ADAMTSL4: variants seen among roughly 807,000 people sequenced by gnomAD.
ADAMTSL4 encodes ADAMTS like 4, also known as ADAMTS-like protein 4.
A neutral mutation model predicts 122.8 loss-of-function variants in ADAMTSL4; 97 were observed. That is an observed-to-expected ratio of 0.79 (90% confidence interval 0.67 to 0.93). The LOEUF is 0.93. Among genes scored for constraint, ADAMTSL4 ranks in the 40% least tolerant of loss-of-function variants. ADAMTSL4 has a pLI of 0.00. For missense variants in ADAMTSL4, 1,408 were observed against 1,453.5 expected, an observed-to-expected ratio of 0.97 and a Z score of 0.51; for synonymous variants, 592 against 568.0, an observed-to-expected ratio of 1.04 and a Z score of -0.60.
intron 2 of ADAMTSL4, chr1:150,551,259 T>C (rs1570914936): frequency 2.9e-6 from 1 of 348,836 alleles, no homozygotes; most frequent in African/African-American, 2.1e-5. Flanking sequence ...AAACAAGCCC[T>C]CACTGAACCA....
chr1:150,555,214 T>G (rs1671900300), intron 7 of ADAMTSL4, among the ~76,000 whole-genome samples: 1 of 152,092 alleles, frequency 6.6e-6, no homozygotes. Flanking sequence ...GGTCTTGAAC[T>G]CCTGACCGAA....
At chr1:150,555,679 AC>A in intron 8 of ADAMTSL4, 114 bp downstream of exon 8, 1 of 1,448,490 alleles carries the variant, frequency 6.9e-7, no homozygotes. Context: ...ACATGCAAGC[AC>A]ATACACACAC....
At chr1:150,560,008 A>G in intron 18 of ADAMTSL4, 52 bp from the exon 19 acceptor site, 2 of 1,614,016 alleles carry the variant, frequency 1.2e-6, no homozygotes, top group Non-Finnish European at 1.7e-6. Flanking sequence ...CCATTCCCAG[A>G]CGGGTGGGTC....
At chr1:150,558,785 A>G (rs1672486453) in intron 15 of ADAMTSL4, 136 bp downstream of exon 15, 3 of 1,554,302 alleles carry the variant, frequency 1.9e-6, no homozygotes, top group South Asian at 2.3e-5. Context: ...ACTCAGAGAT[A>G]AGTGAGAACA....
chr1:150,557,057 C>T lies in ADAMTSL4; in HGVS notation c.1861+7C>T. 6.2e-7 allele frequency: 1 copy of T among 1,612,676 alleles called. No individual in the cohort carries two copies. The highest frequency in any genetic ancestry group is 1.1e-5 in the South Asian group (1 of 91,042). On this transcript the variant is annotated splice_region_variant and intron_variant, in intron 11 of 18. Transcript: ENST00000271643. The stretch of plus-strand genomic sequence containing the variant: ...GTCCCCCAGCTTCAGCCGGGTAAGA[C>T]TCTGACCCCTGCACTTGGAAGGAGG...
At chr1:150,550,413 C>T in intron 2 of ADAMTSL4, 1 of 431,540 alleles carries the variant, frequency 2.3e-6, no homozygotes. Context: ...CTCACGTCAC[C>T]CCCACCCCTC....
Position 150,552,231 on chromosome 1 carries a change from G to A in ADAMTSL4, c.-58G>A, listed in dbSNP as rs587635145. The A allele has an allele frequency of 9.1e-5, 139 of 1,534,242 alleles. No homozygotes were observed. The African/African-American group carries it at 1.8e-3, about 20-fold the overall frequency. On this transcript the variant is annotated 5_prime_UTR_variant, in exon 3 of 19. Transcript: ENST00000271643. The surrounding 1 kb of genome is among the most constrained non-coding windows in gnomAD (Gnocchi z 4.0). Reference sequence around the variant, plus strand: ...GAGCACCCTCCACGCCCAGATGCCTGCGTAGTTTTTGTGACCAGTCCGCTC... The same window carrying A: ...GAGCACCCTCCACGCCCAGATGCCTACGTAGTTTTTGTGACCAGTCCGCTC...
chr1:150,555,378 C>G lies in ADAMTSL4; in HGVS notation c.1235-51C>G, dbSNP rs761255647. On this transcript the variant is annotated intron_variant, in intron 7 of 18. Transcript: ENST00000271643. ...GTGCCCCCTCTGGGGCCTCTCTCAG[C>G]TAACCTCCCACCAGGGAGCCCACTA... 6.8e-6 allele frequency: 11 copies of G among 1,610,914 alleles called. No individual in the cohort carries two copies. The South Asian group carries it at 9.9e-5, about 14-fold the overall frequency.
Position 150,557,521 on chromosome 1 carries a change from T to G in ADAMTSL4, c.2075T>G (p.Ile692Ser). The G allele has an allele frequency of 6.2e-7, 1 of 1,612,676 alleles. No individual in the cohort carries two copies. The highest frequency in any genetic ancestry group is 8.5e-7 in the Non-Finnish European group (1 of 1,179,786). Residue 692 changes from isoleucine (I) to serine (S), a missense_variant, in exon 13 of 19, where the codon ATC (isoleucine) becomes AGC (serine). By Grantham distance (142) the Ile-to-Ser change is moderately radical. Transcript: ENST00000271643. ...KGVWRPIFLC[I>S]SRESGEELDE... ...GTCTGGCGCCCCATTTTCCTCTGCA[T>G]CTCCCGTGAGTCGGGAGAGGAACTG...
chr1:150,559,422 G>C lies in ADAMTSL4; in HGVS notation c.2899G>C (p.Gly967Arg). Reference sequence around the variant, plus strand: ...GCCCCCTGCCCTGCAGCCCTGTCAAGGGCAGGCCTGCCAGGACCGATGGTT... The same window carrying C: ...GCCCCCTGCCCTGCAGCCCTGTCAACGGCAGGCCTGCCAGGACCGATGGTT... ...PRPPALQPCQ[G>R]QACQDRWFST... The change falls in exon 17 of 19, where the codon GGG (glycine) becomes CGG (arginine). Residue 967 changes from glycine to arginine, a missense_variant. Gly to Arg is a moderately radical substitution (Grantham distance 125). Transcript: ENST00000271643. This position sits in a 1 kb window ranked among gnomAD's most constrained non-coding sequence, Gnocchi z 4.1. 2.5e-6 allele frequency: 4 copies of C among 1,613,278 alleles called. No homozygotes were observed. The highest frequency in any genetic ancestry group is 8.5e-7 in the Non-Finnish European group (1 of 1,179,962).
intron 7 of ADAMTSL4, 21 bp from the exon 8 acceptor site, chr1:150,555,408 C>A (rs762928526): frequency 6.2e-7 from 1 of 1,613,790 alleles, no homozygotes; most frequent in Non-Finnish European, 8.5e-7. Flanking sequence ...CCACTAACCA[C>A]CCTTCTACCC....
rs1434771290 is a variant in ADAMTSL4 at position 150,557,486 on chromosome 1, C to T, written c.2048-8C>T. On this transcript the variant is annotated splice_region_variant and splice_polypyrimidine_tract_variant and intron_variant, in intron 12 of 18. Coordinates refer to ENST00000271643, the MANE Select transcript of ADAMTSL4 (RefSeq NM_019032.6). The stretch of plus-strand genomic sequence containing the variant: ...CCTGCCTCCCTGGCTGCCTTCTCAC[C>T]CACTCAGGTGTCTGGCGCCCCATTT... 5.0e-6 allele frequency: 8 copies of T among 1,613,046 alleles called. No homozygotes were observed. Among genetic ancestry groups the T allele is most frequent in the East Asian group, 2.2e-5 (1 of 44,878 alleles).
At position 150,553,812 on chromosome 1, in the gene ADAMTSL4, T is replaced by G. The variant is rs1426526697; in HGVS notation, c.821T>G (p.Phe274Cys). 3 of 1,614,008 alleles carry G rather than the reference T, an allele frequency of 1.9e-6. No individual in the cohort carries two copies. The highest frequency in any genetic ancestry group is 2.5e-6 in the Non-Finnish European group (3 of 1,179,990). Residue 274 changes from phenylalanine (F) to cysteine (C), a missense_variant, in exon 6 of 19, where the codon TTC becomes TGC. By Grantham distance (205) the Phe-to-Cys change is radical (BLOSUM62 -2). Coordinates refer to ENST00000271643, the MANE Select transcript of ADAMTSL4 (RefSeq NM_019032.6). ...ACGCACTCCTTAGGAGAAGGTGGCT[T>G]CTTCCGTGCATCCCCTCAGCCACGA... Reference protein sequence around the residue: ...SPTHSLGEGGFFRASPQPRRP... With the variant: ...SPTHSLGEGGCFRASPQPRRP...
At position 150,552,521 on chromosome 1, in the gene ADAMTSL4, T is replaced by TC. The variant is rs747982287; in HGVS notation, c.21-18dup. 12 of 1,613,970 alleles carry TC rather than the reference T, an allele frequency of 7.4e-6. No individual in the cohort carries two copies. The East Asian group carries it at 2.5e-4, about 33-fold the overall frequency. On this transcript the variant is annotated intron_variant, in intron 3 of 18. Coordinates refer to ENST00000271643, the MANE Select transcript of ADAMTSL4 (RefSeq NM_019032.6). The surrounding 1 kb of genome is among the most constrained non-coding windows in gnomAD (Gnocchi z 4.0). ...CCCTCTGGCTCCAGTCTGACGTCCCTCCCCTGGCCTTTGGTTTGCAGGCCC... is the reference window on the plus strand; with the variant it reads ...CCCTCTGGCTCCAGTCTGACGTCCCTCCCCCTGGCCTTTGGTTTGCAGGCCC...
At chr1:150,557,646 G>A in intron 13 of ADAMTSL4, 23 bp downstream of exon 13, 1 of 1,592,596 alleles carries the variant, frequency 6.3e-7, no homozygotes, top group Non-Finnish European at 8.5e-7. Flanking sequence ...GAGCCCACGG[G>A]GAGGGTTAGG....
At chr1:150,553,276 G>T in intron 5 of ADAMTSL4, 23 bp downstream of exon 5, 1 of 1,610,932 alleles carries the variant, frequency 6.2e-7, no homozygotes, top group African/African-American at 1.3e-5. Flanking sequence ...GGTGGAAGAG[G>T]TGGGCCTTGG....
chr1:150,557,373 A>G (rs1385185553), intron 12 of ADAMTSL4, 38 bp downstream of exon 12: 1 of 1,602,424 alleles, frequency 6.2e-7, no homozygotes, highest in Non-Finnish European at 8.5e-7. Context: ...TCTCGGTCCA[A>G]ACCCCCCAAC....
Position 150,555,839 on chromosome 1 carries a change from A to G in ADAMTSL4, c.1371+274A>G. On this transcript the variant is annotated intron_variant, in intron 8 of 18. Coordinates refer to ENST00000271643, the MANE Select transcript of ADAMTSL4 (RefSeq NM_019032.6). ...CACACACACGTATGCAGACACATGC[A>G]CACACATGTAGACACACATGCATGA... The G allele has an allele frequency of 6.5e-6, 4 of 612,836 alleles. 1 individual carries two copies. Among genetic ancestry groups the G allele is most frequent in the Non-Finnish European group, 1.2e-5 (4 of 340,898 alleles). The allele number at this position is 612,836 out of a possible 1,614,324, so 38.0% of individuals were successfully genotyped here.
chr1:150,553,418 C>T lies in ADAMTSL4; in HGVS notation c.435-8C>T. The T allele has an allele frequency of 1.2e-6, 2 of 1,613,806 alleles. No homozygotes were observed. The highest frequency in any genetic ancestry group is 1.7e-6 in the Non-Finnish European group (2 of 1,179,914). The stretch of plus-strand genomic sequence containing the variant: ...AGCTGTGCCCCCACATCTGAAACAC[C>T]TTCTCAGGTCCCGGCTTCGAGACCC... On this transcript the variant is annotated splice_region_variant and splice_polypyrimidine_tract_variant and intron_variant, in intron 5 of 18. Transcript: ENST00000271643.
Sources: gnomAD v4.1 joint callset for allele counts (sites outside exome capture counted in the v4.1 genomes callset) on GRCh38, gnomAD v4.1.1 for gene constraint, Gnocchi (gnomAD v3.1) non-coding constraint, MANE v1.5 for transcripts, NCBI Gene and HGNC (gene_info 2026-07-23, HGNC 2026-07-21) for gene names.